Variants in WAPL observed in about 807,000 individuals in gnomAD.
WAPL encodes WAPL cohesin release factor, also known as wings apart-like protein homolog.
A neutral mutation model predicts 121.0 loss-of-function variants in WAPL; 5 were observed. That is an observed-to-expected ratio of 0.04 (90% CI 0.02 to 0.09). The LOEUF (loss-of-function observed/expected upper bound fraction) is 0.09. WAPL is among the 10% of genes least tolerant of loss of function. The pLI, the probability that WAPL is intolerant of heterozygous loss-of-function variation, is 1.00. For missense variants in WAPL, 999 were observed against 1,410.8 expected (o/e 0.71, Z 4.68); for synonymous variants, 480 against 481.5 (o/e 1.00, Z 0.04).
chr10:86,504,738 G>A (rs932287669), intron 2 of WAPL, among the ~76,000 whole-genome samples: 5 of 151,838 alleles, frequency 3.3e-5, no homozygotes, highest in African/African-American at 7.3e-5. Flanking sequence ...TGTGGCCAGC[G>A]GTTCATTTGA....
At chr10:86,511,963 C>G (rs1842472242) in intron 2 of WAPL, among the ~76,000 whole-genome samples, 1 of 152,094 alleles carries the variant, frequency 6.6e-6, no homozygotes, top group Non-Finnish European at 1.5e-5. Context: ...TAGGTCTTAT[C>G]CACTTCTCTT....
intron 2 of WAPL, among the ~76,000 whole-genome samples, chr10:86,508,052 A>C (rs1265808517): frequency 6.6e-6 from 1 of 152,188 alleles, no homozygotes; most frequent in Non-Finnish European, 1.5e-5. Flanking sequence ...CTAGAGGAGG[A>C]GGAAAAAAAC....
chr10:86,467,651 T>C (rs1841429132), intron 8 of WAPL, 145 bp from the exon 9 acceptor site: 1 of 628,076 alleles, frequency 1.6e-6, no homozygotes, highest in African/African-American at 1.9e-5. Context: ...TTCAAAAACG[T>C]TTTATTCAGC....
chr10:86,512,736 A>G (rs971626745), intron 2 of WAPL, among the ~76,000 whole-genome samples: 4 of 152,244 alleles, frequency 2.6e-5, no homozygotes, highest in Non-Finnish European at 5.9e-5. Context: ...GAAATCTTAA[A>G]CTAGCTTTAA....
At chr10:86,443,210 G>A in intron 17 of WAPL, 65 bp downstream of exon 17, 1 of 1,268,342 alleles carries the variant, frequency 7.9e-7, no homozygotes, top group Non-Finnish European at 1.1e-6. Flanking sequence ...AACATGTAAA[G>A]GTATGAAGTC....
intron 12 of WAPL, among the ~76,000 whole-genome samples, chr10:86,455,296 AAAG>A (rs1404537077): frequency 1.3e-5 from 2 of 152,260 alleles, no homozygotes; most frequent in Non-Finnish European, 2.9e-5. Context: ...GTCTGTGTAG[AAAG>A]AAGTAGACAT....
intron 14 of WAPL, 105 bp downstream of exon 14, chr10:86,453,115 C>T: frequency 4.0e-6 from 2 of 493,926 alleles, no homozygotes; most frequent in East Asian, 6.6e-5. Flanking sequence ...TGAAAAAAAA[C>T]CCACAATATA....
intron 2 of WAPL, among the ~76,000 whole-genome samples, chr10:86,504,249 A>G (rs1013528771): frequency 4.0e-5 from 6 of 151,616 alleles, no homozygotes; most frequent in Admixed American, 6.6e-5. Context: ...AATGAATTAA[A>G]TAACTTATGA....
intron 16 of WAPL, chr10:86,443,642 T>A: frequency 2.9e-6 from 1 of 342,794 alleles, no homozygotes; most frequent in Middle Eastern, 8.5e-4. Flanking sequence ...AAAATATATT[T>A]GCAAATCATG....
At chr10:86,520,848 G>A (rs947785071) in intron 1 of WAPL, among the ~76,000 whole-genome samples, 1 of 151,264 alleles carries the variant, frequency 6.6e-6, no homozygotes, top group Non-Finnish European at 1.5e-5. Flanking sequence ...GATCCCCAAA[G>A]GCTTTAAGGG....
intron 17 of WAPL, among the ~76,000 whole-genome samples, chr10:86,440,486 T>C (rs1589487129): frequency 6.6e-6 from 1 of 151,238 alleles, no homozygotes; most frequent in Non-Finnish European, 1.5e-5. Flanking sequence ...AGAGACGGGG[T>C]TTCACCGTTT....
In WAPL at chr10:86,517,863, A is replaced by C; in HGVS notation, c.207T>G (p.Thr69=). The C allele has an allele frequency of 6.2e-7, 1 of 1,614,192 alleles. No homozygotes were observed. The highest frequency in any genetic ancestry group is 8.5e-7 in the Non-Finnish European group (1 of 1,180,018). ...PKKPKVEEES[T]GDPFGFDSDD... ...CACTATCAAATCCAAAAGGATCTCC[A>C]GTACTTTCTTCTTCCACTTTAGGTT... Residue 69 remains threonine, a synonymous_variant, in exon 2 of 19, where the codon ACT becomes ACG. Coordinates refer to ENST00000298767, the MANE Select transcript of WAPL (RefSeq NM_015045.5).
chr10:86,475,295 T>C (rs1841626244), intron 4 of WAPL, among the ~76,000 whole-genome samples: 1 of 152,248 alleles, frequency 6.6e-6, no homozygotes, highest in Admixed American at 6.5e-5. Flanking sequence ...AAATTATGTT[T>C]TGAACTTCAA....
chr10:86,488,106 A>G (rs1841966080), intron 4 of WAPL, among the ~76,000 whole-genome samples: 1 of 152,184 alleles, frequency 6.6e-6, no homozygotes, highest in Non-Finnish European at 1.5e-5. Context: ...CTCTCGGCGA[A>G]GGGAATTAAA....
chr10:86,444,189 G>A (rs1444177842), intron 16 of WAPL, among the ~76,000 whole-genome samples: 1 of 152,168 alleles, frequency 6.6e-6, no homozygotes, highest in Non-Finnish European at 1.5e-5. Context: ...CCACTAGGAT[G>A]ACTAAAAATT....
intron 16 of WAPL, 127 bp from the exon 17 acceptor site, chr10:86,443,490 G>A: frequency 3.4e-6 from 2 of 585,160 alleles, no homozygotes; most frequent in South Asian, 7.3e-5. Context: ...TAGGACAACT[G>A]GATATCCACA....
At chr10:86,492,779 G>A (rs535458896) in intron 4 of WAPL, among the ~76,000 whole-genome samples, 19 of 152,250 alleles carry the variant, frequency 1.2e-4, no homozygotes, top group African/African-American at 3.4e-4. Context: ...AGGGCCATCC[G>A]GGCGCGGTGG....
Position 86,497,297 on chromosome 10 carries a change from G to A in WAPL, c.1548C>T (p.Asp516=), listed in dbSNP as rs749307450. ...NNAENLDFTE[D]LPGVPESVKK... is the part of the protein sequence containing the mutation. Reference sequence around the variant, plus strand: ...TCACACTTTCAGGCACACCAGGCAAGTCCTCTGTAAAATCCAAGTTTTCTG... The same window carrying A: ...TCACACTTTCAGGCACACCAGGCAAATCCTCTGTAAAATCCAAGTTTTCTG... Residue 516 remains aspartate (D), a synonymous_variant, in exon 4 of 19, where the codon GAC becomes GAT. Coordinates refer to ENST00000298767, the MANE Select transcript of WAPL (RefSeq NM_015045.5). The A allele has an allele frequency of 6.2e-5, 99 of 1,609,534 alleles. 1 individual carries two copies. Among genetic ancestry groups the A allele is most frequent in the Non-Finnish European group, 8.1e-5 (96 of 1,179,058 alleles).
intron 3 of WAPL, among the ~76,000 whole-genome samples, chr10:86,498,840 CA>C (rs1842195650): frequency 6.6e-6 from 1 of 152,188 alleles, no homozygotes; most frequent in Non-Finnish European, 1.5e-5. Context: ...ACTGAGTCTA[CA>C]ATCTCGGCAC....
Sources: gnomAD v4.1 joint callset for allele counts (sites outside exome capture counted in the v4.1 genomes callset) on GRCh38, gnomAD v4.1.1 for gene constraint, MANE v1.5 for transcripts, NCBI Gene and HGNC (gene_info 2026-07-23, HGNC 2026-07-21) for gene names.